The following GCLC variants were observed in gnomAD, a reference collection of about 807,000 sequenced individuals.
GCLC encodes the protein glutamate--cysteine ligase catalytic subunit.
GCLC carries 30 observed loss-of-function variants against 81.5 expected under a neutral mutation model. The observed-to-expected ratio is 0.37, with a 90% CI of 0.28 to 0.50. GCLC has a LOEUF of 0.50. Ranked by LOEUF, GCLC falls within the 20% of genes least tolerant of loss-of-function variation. The probability of loss-of-function intolerance (pLI) is 0.96; values close to 1 mark genes in which losing one functional copy is unlikely to be tolerated. For synonymous variants in GCLC, 262 were observed against 273.3 expected (o/e 0.96, Z 0.41); for missense variants, 556 against 777.4 (o/e 0.72, Z 3.39).
chr6:53,533,986 GT>G (rs1259598111), intron 1 of GCLC, among the ~76,000 whole-genome samples: 2 of 151,804 alleles, frequency 1.3e-5, no homozygotes, highest in East Asian at 3.9e-4. Context: ...TAGAGAGGGG[GT>G]TTTCACCATG....
At chr6:53,540,318 G>GC (rs2127631490) in intron 1 of GCLC, among the ~76,000 whole-genome samples, 1 of 118,234 alleles carries the variant, frequency 8.5e-6, no homozygotes, top group South Asian at 3.0e-4. Flanking sequence ...ATATTATTCA[G>GC]CCTCAAAAAA....
intron 6 of GCLC, 68 bp downstream of exon 6, chr6:53,514,136 A>C (rs1410287057): frequency 4.9e-6 from 7 of 1,424,096 alleles, no homozygotes; most frequent in Non-Finnish European, 6.9e-6. Context: ...GGAAACATGC[A>C]TATATAAAGA....
chr6:53,535,718 C>T (rs879841337), intron 1 of GCLC, among the ~76,000 whole-genome samples: 7 of 152,142 alleles, frequency 4.6e-5, no homozygotes, highest in Non-Finnish European at 8.8e-5. Context: ...AAAAGATACT[C>T]AACATCACTG....
intron 1 of GCLC, among the ~76,000 whole-genome samples, chr6:53,542,919 G>T (rs1252116435): frequency 2.0e-5 from 3 of 152,090 alleles, no homozygotes; most frequent in Non-Finnish European, 1.5e-5. Context: ...TGAGGCAGGA[G>T]AATTGCTTGA....
At chr6:53,538,519 G>T (rs1163417846) in intron 1 of GCLC, among the ~76,000 whole-genome samples, 1 of 151,936 alleles carries the variant, frequency 6.6e-6, no homozygotes, top group Non-Finnish European at 1.5e-5. Context: ...TTTTAGTAGA[G>T]ACAAGGTTTC....
chr6:53,544,730 A>C lies in GCLC; in HGVS notation c.-85T>G. ...GCGAGACGGACACTCAGCCGCCCGC[A>C]GAAGGCGGCTGCCGCTCCACCCCGC... On this transcript the variant is annotated 5_prime_UTR_variant, in exon 1 of 16. Transcript: ENST00000650454. The C allele has an allele frequency of 7.4e-7, 1 of 1,343,604 alleles. No homozygotes were observed. Among genetic ancestry groups the C allele is most frequent in the Non-Finnish European group, 1.0e-6 (1 of 1,000,654 alleles). The allele number at this position is 1,343,604 out of a possible 1,614,324, so 83.2% of individuals were successfully genotyped here.
At chr6:53,510,640 G>A (rs530626232) in intron 6 of GCLC, among the ~76,000 whole-genome samples, 5 of 152,232 alleles carry the variant, frequency 3.3e-5, no homozygotes, top group Admixed American at 6.5e-5. Flanking sequence ...GTTGGTACAC[G>A]ACATAATTTC....
rs140009114 is a variant in GCLC at position 53,500,350 on chromosome 6, C to T, written c.1478G>A (p.Gly493Asp). ...ACAACCATCCACCACTGCATTGCCACCTGCCGGAGAAGAGGGTCAGGGGAG... is the reference window on the plus strand; with the variant it reads ...ACAACCATCCACCACTGCATTGCCATCTGCCGGAGAAGAGGGTCAGGGGAG... ...MFYFRKDICK[G>D]GNAVVDGCGK... is the part of the protein sequence containing the mutation. The change falls in exon 14 of 16, where the codon GGT (glycine) becomes GAT (aspartate). Residue 493 changes from glycine to aspartate, a missense_variant and splice_region_variant. Physicochemically the swap from Gly to Asp is moderately conservative, Grantham distance 94. This residue lies in a region of GCLC where 313 missense variants were observed against 437.3 expected (regional missense o/e 0.72). Transcript: ENST00000650454. 6.2e-7 allele frequency: 1 copy of T among 1,614,082 alleles called. No individual in the cohort carries two copies. Among genetic ancestry groups the T allele is most frequent in the African/African-American group, 1.3e-5 (1 of 75,040 alleles).
chr6:53,526,485 G>A (rs571836666), intron 1 of GCLC, among the ~76,000 whole-genome samples: 1 of 152,258 alleles, frequency 6.6e-6, no homozygotes, highest in South Asian at 2.1e-4. Context: ...AAGGGTAAGA[G>A]TTTCAGGGAG....
At chr6:53,515,490 G>A (rs898620774) in intron 4 of GCLC, among the ~76,000 whole-genome samples, 4 of 152,270 alleles carry the variant, frequency 2.6e-5, no homozygotes, top group Non-Finnish European at 5.9e-5. Context: ...GTGAGGGCCT[G>A]TTAAAGGAAT....
At chr6:53,503,049 C>T (rs569760) in intron 12 of GCLC, 63,181 of 152,044 alleles carry the variant, frequency 0.42, 14,235 homozygotes, top group East Asian at 0.57. Context: ...GTCTGAATGT[C>T]TGTGTTCCCT....
At chr6:53,535,952 G>A (rs1406377941) in intron 1 of GCLC, among the ~76,000 whole-genome samples, 1 of 152,178 alleles carries the variant, frequency 6.6e-6, no homozygotes, top group African/African-American at 2.4e-5. Context: ...AGGGTAATAA[G>A]ATGAAGAAAA....
At chr6:53,526,939 C>T (rs1763093464) in intron 1 of GCLC, among the ~76,000 whole-genome samples, 1 of 152,136 alleles carries the variant, frequency 6.6e-6, no homozygotes, top group South Asian at 2.1e-4. Context: ...CAGTTACAGG[C>T]AGTTCCCCAT....
intron 1 of GCLC, chr6:53,522,730 T>A (rs1327846981): frequency 4.0e-6 from 2 of 501,098 alleles, no homozygotes; most frequent in Non-Finnish European, 7.3e-6. Context: ...GTAGTGCCAC[T>A]TCCATCCCTT....
Position 53,544,711 on chromosome 6 carries a change from C to A in GCLC, c.-66G>T. ...GCGGTCGCCCGCTCCGGGCGCGAGA[C>A]GGACACTCAGCCGCCCGCAGAAGGC... is the stretch of plus-strand genomic sequence containing the variant. On this transcript the variant is annotated 5_prime_UTR_variant, in exon 1 of 16. Transcript: ENST00000650454. The A allele has an allele frequency of 6.7e-7, 1 of 1,492,638 alleles. No individual in the cohort carries two copies. Among genetic ancestry groups the A allele is most frequent in the South Asian group, 1.2e-5 (1 of 82,556 alleles). 92.5% of individuals were successfully genotyped at this position (1,492,638 alleles called of 1,614,324 possible).
In GCLC at chr6:53,537,381, G is replaced by T. The variant is rs370948581; in HGVS notation, c.150+7115C>A. 8.2e-4 allele frequency among the ~76,000 whole-genome samples: 125 copies of T among 152,330 alleles called. 1 individual carries two copies. The highest frequency in any genetic ancestry group is 2.8e-3 in the African/African-American group (116 of 41,574). On this transcript the variant is annotated intron_variant, in intron 1 of 15. Coordinates refer to ENST00000650454, the MANE Select transcript of GCLC (RefSeq NM_001498.4). Reference sequence around the variant, plus strand: ...CTTTGCTTTTTGTGTTACAGAATACGCTATGACCTATAGAAGGAACCTGAA... The same window carrying T: ...CTTTGCTTTTTGTGTTACAGAATACTCTATGACCTATAGAAGGAACCTGAA...
chr6:53,526,797 C>CAAAAAAAAAAAAAAAAAAA (rs58177984), intron 1 of GCLC, among the ~76,000 whole-genome samples: 1 of 107,442 alleles, frequency 9.3e-6, no homozygotes. Context: ...GACTCCGCCT[C>CAAAAAAAAAAAAAAAAAAA]AAAAAAAAAA....
chr6:53,502,400 A>C (rs1764530774), intron 12 of GCLC, among the ~76,000 whole-genome samples: 1 of 152,216 alleles, frequency 6.6e-6, no homozygotes, highest in East Asian at 1.9e-4. Context: ...ACTGAGAATA[A>C]GTCACTTGTC....
At chr6:53,510,518 G>T (rs1764716902) in intron 6 of GCLC, 1 of 151,262 alleles carries the variant, frequency 6.6e-6, no homozygotes, top group Non-Finnish European at 1.5e-5. Flanking sequence ...GTGTTTGTTA[G>T]CACATTTGTA....
Sources: allele counts gnomAD v4.1 joint callset (sites outside exome capture counted in the v4.1 genomes callset), GRCh38; gene constraint gnomAD v4.1.1; regional missense constraint gnomAD v4.1.1; transcripts MANE v1.5; gene names NCBI Gene and HGNC (gene_info 2026-07-23, HGNC 2026-07-21).